The following KLF12 variants were observed in gnomAD, a reference collection of about 807,000 sequenced individuals.
KLF12 encodes Krueppel-like factor 12.
KLF12 carries 9 observed loss-of-function variants against 37.8 expected under a neutral mutation model. That is an observed-to-expected ratio of 0.24 (90% CI 0.14 to 0.42). The LOEUF is 0.42. Ranked by LOEUF, KLF12 falls within the 10% of genes least tolerant of loss-of-function variation. The pLI, the probability that KLF12 is intolerant of heterozygous loss-of-function variation, is 1.00. For synonymous variants in KLF12, 208 were observed against 202.1 expected (o/e 1.03, Z -0.25); for missense variants, 411 against 516.0 (o/e 0.80, Z 1.97).
chr13:73,976,551 A>AG (rs778597296), intron 2 of KLF12, among the ~76,000 whole-genome samples: 13 of 152,082 alleles, frequency 8.5e-5, no homozygotes, highest in Non-Finnish European at 1.9e-4. Flanking sequence ...TCCCTACTCC[A>AG]GTTGTTTGCA....
intron 1 of KLF12, among the ~76,000 whole-genome samples, chr13:74,008,011 G>A (rs1165180285): frequency 6.6e-6 from 1 of 152,072 alleles, no homozygotes; most frequent in East Asian, 1.9e-4. Flanking sequence ...CAGTTACATT[G>A]AGAGAGTGAC....
chr13:73,997,455 T>C (rs1420713374), intron 1 of KLF12, among the ~76,000 whole-genome samples: 1 of 152,192 alleles, frequency 6.6e-6, no homozygotes, highest in East Asian at 1.9e-4. Flanking sequence ...ACAGCCTAGA[T>C]ATCGAATAGG....
At chr13:74,071,018 C>T (rs1051915811) in intron 1 of KLF12, among the ~76,000 whole-genome samples, 2 of 152,100 alleles carry the variant, frequency 1.3e-5, no homozygotes, top group African/African-American at 4.8e-5. Context: ...AAATAGAACT[C>T]AAAACAAAAA....
chr13:74,090,441 C>G (rs543657294), intron 1 of KLF12, among the ~76,000 whole-genome samples: 1 of 152,134 alleles, frequency 6.6e-6, no homozygotes, highest in African/African-American at 2.4e-5. Context: ...ATTGAGGAAT[C>G]TACTCCCAAA....
At chr13:73,988,309 C>A (rs563324233) in intron 2 of KLF12, among the ~76,000 whole-genome samples, 2 of 152,330 alleles carry the variant, frequency 1.3e-5, no homozygotes, top group Admixed American at 6.5e-5. Context: ...AAATGTGAAG[C>A]CTTCCAGAAC....
chr13:73,840,805 G>A (rs1884695665), intron 4 of KLF12, among the ~76,000 whole-genome samples: 1 of 151,968 alleles, frequency 6.6e-6, no homozygotes, highest in Non-Finnish European at 1.5e-5. Flanking sequence ...GAACCTACCA[G>A]ATCCTTCATT....
intron 6 of KLF12, among the ~76,000 whole-genome samples, chr13:73,724,646 CTTTG>C (rs1876525354): frequency 6.6e-6 from 1 of 152,126 alleles, no homozygotes; most frequent in African/African-American, 2.4e-5. Context: ...TTTCCTTACT[CTTTG>C]AATACTCTGT....
intron 3 of KLF12, among the ~76,000 whole-genome samples, chr13:73,881,080 G>A (rs1886957551): frequency 6.6e-6 from 1 of 152,086 alleles, no homozygotes; most frequent in Admixed American, 6.6e-5. Context: ...CAAATTTCAG[G>A]AGTCTTTGCC....
At chr13:73,840,072 T>C (rs777770187) in intron 4 of KLF12, among the ~76,000 whole-genome samples, 5 of 152,108 alleles carry the variant, frequency 3.3e-5, no homozygotes, top group African/African-American at 7.2e-5. Flanking sequence ...GTCCCCACCA[T>C]TCCACTGACA....
intron 2 of KLF12, among the ~76,000 whole-genome samples, chr13:73,976,688 G>A (rs1489368059): frequency 1.3e-5 from 2 of 152,076 alleles, no homozygotes; most frequent in Non-Finnish European, 2.9e-5. Flanking sequence ...TCCTCATCAC[G>A]CTGAAAGAAA....
At chr13:73,947,048 T>A (rs1890456119) in intron 2 of KLF12, among the ~76,000 whole-genome samples, 1 of 152,240 alleles carries the variant, frequency 6.6e-6, no homozygotes, top group Non-Finnish European at 1.5e-5. Flanking sequence ...GGAACTGCTG[T>A]CAAACATATC....
chr13:73,974,320 A>AAAAT (rs397704620), intron 2 of KLF12, among the ~76,000 whole-genome samples: 16 of 151,610 alleles, frequency 1.1e-4, no homozygotes, highest in Admixed American at 9.8e-4. Context: ...CAAAAAAAAA[A>AAAAT]GAATTCTGCA....
chr13:73,939,033 C>T (rs113907772), intron 3 of KLF12, among the ~76,000 whole-genome samples: 12,037 of 152,214 alleles, frequency 0.079, 640 homozygotes, highest in Non-Finnish European at 0.11. Context: ...ATCTCTTTCC[C>T]TGTTTCTGCC....
chr13:74,267,854 C>G, the KLF12 span, among the ~76,000 whole-genome samples: 37 of 152,002 alleles, frequency 2.4e-4, no homozygotes, highest in Non-Finnish European at 2.9e-4. Context: ...CAAATGTGTA[C>G]AATTATTATG....
In KLF12 at chr13:74,072,397, AT is replaced by A. The variant is rs1566198840; in HGVS notation, c.-32+61341del. Reference sequence around the variant, plus strand: ...TATATATATATATATATATATATATATATATATATAAAAGATTATCTACAAG... The same window carrying A: ...TATATATATATATATATATATATATAATATATATAAAAGATTATCTACAAG... On this transcript the variant is annotated intron_variant, in intron 1 of 7. Transcript: ENST00000377669. Among the ~76,000 whole-genome samples the A allele has an allele frequency of 1.1e-3, 147 of 131,758 alleles. 2 individuals carry two copies. The East Asian group carries it at 0.015, about 14-fold the overall frequency. The allele number at this position is 131,758 out of a possible 152,430, so 86.4% of individuals were successfully genotyped here.
At chr13:74,299,746 A>G in the KLF12 span, among the ~76,000 whole-genome samples, 1 of 152,130 alleles carries the variant, frequency 6.6e-6, no homozygotes, top group Admixed American at 6.6e-5. Context: ...GAACTAAAAA[A>G]TTTTCAAGTA....
At chr13:73,987,680 G>C (rs139660967) in intron 2 of KLF12, among the ~76,000 whole-genome samples, 1,593 of 139,378 alleles carry the variant, frequency 0.011, 30 homozygotes, top group African/African-American at 0.036. Flanking sequence ...GGAAATTGGA[G>C]AGAGGAGAGA....
intron 1 of KLF12, among the ~76,000 whole-genome samples, chr13:74,028,267 A>AATAT (rs1893028233): frequency 6.6e-6 from 1 of 152,222 alleles, no homozygotes; most frequent in Non-Finnish European, 1.5e-5. Context: ...AAAAACTGGA[A>AATAT]ATAATTTATT....
chr13:74,084,621 C>G (rs1875146322), intron 1 of KLF12, among the ~76,000 whole-genome samples: 1 of 152,144 alleles, frequency 6.6e-6, no homozygotes, highest in Admixed American at 6.5e-5. Context: ...TCTACTGCTC[C>G]ATTACACATA....
Sources: gnomAD v4.1 joint callset for allele counts (sites outside exome capture counted in the v4.1 genomes callset) on GRCh38, gnomAD v4.1.1 for gene constraint, MANE v1.5 for transcripts, NCBI Gene and HGNC (gene_info 2026-07-23, HGNC 2026-07-21) for gene names.